Variants in TULP3 observed in about 807,000 individuals in gnomAD.
TULP3 encodes tubby-related protein 3.
A neutral mutation model predicts 50.7 loss-of-function variants in TULP3; 38 were observed. The observed-to-expected ratio is 0.75, with a 90% confidence interval of 0.58 to 0.98. The LOEUF (loss-of-function observed/expected upper bound fraction) is 0.98. Ranked by LOEUF, TULP3 falls within the 50% of genes least tolerant of loss-of-function variation. TULP3 has a pLI of 0.00. For synonymous variants in TULP3, 183 were observed against 196.6 expected (o/e 0.93, Z 0.58); for missense variants, 550 against 568.0 (o/e 0.97, Z 0.32).
chr12:2,936,970 C>A (rs566975500), intron 8 of TULP3, among the ~76,000 whole-genome samples: 1 of 150,806 alleles, frequency 6.6e-6, no homozygotes, highest in African/African-American at 2.4e-5. Flanking sequence ...ATTAGCCAGG[C>A]GTGGTGGCAT....
intron 1 of TULP3, among the ~76,000 whole-genome samples, chr12:2,896,754 G>T (rs2098175784): frequency 6.6e-6 from 1 of 152,116 alleles, no homozygotes. Context: ...AAACTCATAT[G>T]AAAGGAGTTC....
At chr12:2,917,678 C>A (rs1037071188) in intron 2 of TULP3, among the ~76,000 whole-genome samples, 3 of 151,924 alleles carry the variant, frequency 2.0e-5, no homozygotes, top group Admixed American at 2.0e-4. Flanking sequence ...GAGATCGAGA[C>A]CATCCTGGCC....
intron 2 of TULP3, among the ~76,000 whole-genome samples, chr12:2,915,344 G>A (rs996265589): frequency 1.3e-5 from 2 of 152,094 alleles, no homozygotes; most frequent in African/African-American, 4.8e-5. Flanking sequence ...TGCATATTAG[G>A]TAGAGTACAT....
In TULP3 at chr12:2,939,739, A is replaced by G. The variant is rs2098203598; in HGVS notation, c.*295A>G. ...TTGCCCCTTTTGGAACGACCCCTGAATATATAAAACACACACACGAAGAGC... is the reference window on the plus strand; with the variant it reads ...TTGCCCCTTTTGGAACGACCCCTGAGTATATAAAACACACACACGAAGAGC... On this transcript the variant is annotated 3_prime_UTR_variant, in exon 11 of 11. Transcript: ENST00000448120. This position sits in a 1 kb window ranked among gnomAD's most constrained non-coding sequence, Gnocchi z 4.0. 7.8e-7 allele frequency: 1 copy of G among 1,275,458 alleles called. No homozygotes were observed. Among genetic ancestry groups the G allele is most frequent in the Admixed American group, 3.4e-5 (1 of 29,536 alleles). The allele number at this position is 1,275,458 out of a possible 1,614,324, so 79.0% of individuals were successfully genotyped here. A position where few individuals can be genotyped will look rare whatever the true frequency, so the allele number is the denominator to read the frequency against.
rs745941807 is a variant in TULP3, at chr12:2,931,126, T to A, written c.582T>A (p.Ser194Arg). 1.5e-5 allele frequency: 25 copies of A among 1,614,022 alleles called. No homozygotes were observed. The highest frequency in any genetic ancestry group is 2.1e-5 in the Non-Finnish European group (25 of 1,180,038). ...DIDDLEDFVY[S>R]PAPQGVTVRC... ...ACGACCTGGAGGACTTTGTGTATAG[T>A]CCTGCCCCTCAAGGTGTCACAGTAA... The change falls in exon 6 of 11, where the codon AGT (serine) becomes AGA (arginine). Residue 194 changes from serine to arginine, a missense_variant. Coordinates refer to ENST00000448120, the MANE Select transcript of TULP3 (RefSeq NM_003324.5).
chr12:2,933,719 G>A (rs745699034), intron 7 of TULP3, among the ~76,000 whole-genome samples, 189 bp downstream of exon 7: 1 of 152,106 alleles, frequency 6.6e-6, no homozygotes. Flanking sequence ...GAGAGGCCAA[G>A]GCGGGCGGAT....
intron 6 of TULP3, among the ~76,000 whole-genome samples, chr12:2,933,055 G>A (rs1439741835): frequency 2.0e-5 from 3 of 151,810 alleles, no homozygotes; most frequent in Non-Finnish European, 4.4e-5. Context: ...CCATTCTCCT[G>A]CCTCAGCCTC....
intron 2 of TULP3, among the ~76,000 whole-genome samples, chr12:2,909,984 C>T (rs921809265): frequency 3.3e-5 from 5 of 152,168 alleles, no homozygotes; most frequent in East Asian, 1.9e-4. Context: ...AGCTTGCTGC[C>T]GTGCTGCTTT....
chr12:2,894,580 AAAG>A (rs1226157897), intron 1 of TULP3, among the ~76,000 whole-genome samples: 34 of 150,588 alleles, frequency 2.3e-4, no homozygotes, highest in African/African-American at 6.2e-4. Context: ...CGCACACAAA[AAAG>A]AGATCTGTCA....
intron 2 of TULP3, among the ~76,000 whole-genome samples, chr12:2,913,054 C>T (rs2153949043): frequency 6.6e-6 from 1 of 152,040 alleles, no homozygotes; most frequent in Admixed American, 6.5e-5. Flanking sequence ...TCACTGCAAC[C>T]TCTGCCTCTG....
At chr12:2,899,486 A>G (rs527682223) in intron 1 of TULP3, among the ~76,000 whole-genome samples, 5 of 152,300 alleles carry the variant, frequency 3.3e-5, no homozygotes, top group East Asian at 1.9e-4. Context: ...CTGGAAGGTC[A>G]TAGTTATTCA....
At chr12:2,924,198 G>T (rs1255108231) in intron 4 of TULP3, among the ~76,000 whole-genome samples, 1 of 152,152 alleles carries the variant, frequency 6.6e-6, no homozygotes, top group Non-Finnish European at 1.5e-5. Flanking sequence ...CACTTTCCCA[G>T]AGAAAGTGAT....
chr12:2,892,915 G>A (rs2098173055), intron 1 of TULP3, among the ~76,000 whole-genome samples: 1 of 147,906 alleles, frequency 6.8e-6, no homozygotes, highest in Non-Finnish European at 1.5e-5. Context: ...CTGTCGCCCA[G>A]GCTAGGATGT....
intron 4 of TULP3, among the ~76,000 whole-genome samples, chr12:2,923,817 C>CAA (rs766470051): frequency 2.2e-5 from 3 of 135,150 alleles, no homozygotes; most frequent in Non-Finnish European, 1.6e-5. Flanking sequence ...ACAAAAAATG[C>CAA]AAAAAAAAAA....
chr12:2,897,647 C>G (rs12812011), intron 1 of TULP3, among the ~76,000 whole-genome samples: 71,930 of 150,776 alleles, frequency 0.48, 17,591 homozygotes, highest in African/African-American at 0.6. Flanking sequence ...TCTCTCAAGA[C>G]ATAGGGTCTT....
chr12:2,929,100 C>T (rs962138018), intron 4 of TULP3, among the ~76,000 whole-genome samples: 3 of 151,122 alleles, frequency 2.0e-5, no homozygotes, highest in Admixed American at 6.6e-5. Context: ...GGGCGGATCA[C>T]GAGGTCAGGA....
intron 2 of TULP3, among the ~76,000 whole-genome samples, chr12:2,913,207 GTGTGTGTGTGTGTGTA>G (rs1345936914): frequency 2.7e-5 from 4 of 149,902 alleles, no homozygotes; most frequent in Non-Finnish European, 5.9e-5. Flanking sequence ...GAGTTTGTGT[GTGTGTGTGTGTGTGTA>G]TGTGTGTGTG....
At chr12:2,919,829 AT>A (rs1185718428) in intron 2 of TULP3, among the ~76,000 whole-genome samples, 1 of 150,294 alleles carries the variant, frequency 6.7e-6, no homozygotes, top group Non-Finnish European at 1.5e-5. Flanking sequence ...TCTTGCTTTT[AT>A]TCATAGAGTT....
Position 2,931,199 on chromosome 12 carries a change from C to T in TULP3, c.655C>T (p.Pro219Ser), listed in dbSNP as rs768862836. 1.4e-5 allele frequency: 22 copies of T among 1,614,154 alleles called. No homozygotes were observed. The highest frequency in any genetic ancestry group is 1.5e-5 in the Non-Finnish European group (18 of 1,180,036). The change falls in exon 6 of 11, where the codon CCC becomes TCC. Residue 219 changes from proline to serine, a missense_variant. By Grantham distance (74) the Pro-to-Ser change is moderately conservative. Coordinates refer to ENST00000448120, the MANE Select transcript of TULP3 (RefSeq NM_003324.5). ...DKRGMDRGLF[P>S]TYYMYLEKEE... ...AAGGGGAATGGATCGGGGTCTCTTC[C>T]CCACCTACTATATGTACTTGGAAAA...
Sources: gnomAD v4.1 joint callset for allele counts (sites outside exome capture counted in the v4.1 genomes callset) on GRCh38, gnomAD v4.1.1 for gene constraint, Gnocchi (gnomAD v3.1) non-coding constraint, MANE v1.5 for transcripts, NCBI Gene and HGNC (gene_info 2026-07-23, HGNC 2026-07-21) for gene names.